INPP4B: variants seen among roughly 807,000 people sequenced by gnomAD.
INPP4B encodes inositol polyphosphate 4-phosphatase type II.
In INPP4B, 55 loss-of-function variants were observed where a neutral mutation model predicts 122.5. The ratio of observed to expected loss-of-function variants is 0.45; its 90% confidence interval spans 0.36 to 0.56. INPP4B has a LOEUF of 0.56. Ranked by LOEUF, INPP4B falls within the 20% of genes least tolerant of loss-of-function variation. The pLI, the probability that INPP4B is intolerant of heterozygous loss-of-function variation, is 0.00. For missense variants in INPP4B, 1,000 were observed against 1,097.7 expected, an observed-to-expected ratio of 0.91 and a Z score of 1.26; for synonymous variants, 403 against 388.7, an observed-to-expected ratio of 1.04 and a Z score of -0.43.
intron 2 of INPP4B, among the ~76,000 whole-genome samples, chr4:142,516,317 C>T (rs1364919): frequency 0.17 from 25,442 of 152,072 alleles, 2,292 homozygotes; most frequent in East Asian, 0.3. Flanking sequence ...TTGTCTTAAA[C>T]AGGAGCAAAC....
chr4:142,260,656 C>T, intron 10 of INPP4B, 92 bp from the exon 11 acceptor site: 2 of 816,906 alleles, frequency 2.4e-6, no homozygotes, highest in Non-Finnish European at 2.0e-6. Flanking sequence ...AGGCTATGTA[C>T]ATGGTTTCAA....
chr4:142,139,106 T>G (rs138845030), intron 18 of INPP4B, among the ~76,000 whole-genome samples: 1 of 152,288 alleles, frequency 6.6e-6, no homozygotes, highest in East Asian at 1.9e-4. Flanking sequence ...TACTAGACTG[T>G]AAGGACAGGG....
intron 11 of INPP4B, among the ~76,000 whole-genome samples, chr4:142,249,583 G>A (rs1399925571): frequency 1.3e-5 from 2 of 152,078 alleles, no homozygotes; most frequent in South Asian, 2.1e-4. Flanking sequence ...TAACCTATGC[G>A]ACATCAACTT....
intron 2 of INPP4B, among the ~76,000 whole-genome samples, chr4:142,492,798 A>G (rs1822048120): frequency 6.6e-6 from 1 of 152,146 alleles, no homozygotes; most frequent in South Asian, 2.1e-4. Flanking sequence ...TTCTGGGGAG[A>G]AATCCAAGCT....
chr4:142,332,536 C>T (rs1774932740), intron 7 of INPP4B, among the ~76,000 whole-genome samples: 1 of 151,752 alleles, frequency 6.6e-6, no homozygotes, highest in Non-Finnish European at 1.5e-5. Context: ...AAAAAAGTTG[C>T]TTAAAAAAGG....
chr4:142,765,187 T>C (rs1771929871), intron 1 of INPP4B, among the ~76,000 whole-genome samples: 1 of 152,120 alleles, frequency 6.6e-6, no homozygotes, highest in Non-Finnish European at 1.5e-5. Context: ...GATAATGGAA[T>C]GGCCCCAAAT....
At chr4:142,411,762 C>T (rs528851862) in intron 5 of INPP4B, among the ~76,000 whole-genome samples, 5 of 152,160 alleles carry the variant, frequency 3.3e-5, no homozygotes, top group African/African-American at 1.2e-4. Context: ...CATGGTGATG[C>T]GCGTTTGTAA....
intron 25 of INPP4B, among the ~76,000 whole-genome samples, chr4:142,041,011 C>A (rs1216705151): frequency 2.6e-5 from 4 of 152,126 alleles, no homozygotes; most frequent in African/African-American, 4.8e-5. Flanking sequence ...AGCAAGAAAC[C>A]TAGCTGAGAA....
chr4:142,173,254 C>A (rs76353485), intron 16 of INPP4B, among the ~76,000 whole-genome samples: 4,305 of 151,852 alleles, frequency 0.028, 188 homozygotes, highest in African/African-American at 0.098. Context: ...CATTCCTATT[C>A]AAATGTAAAG....
intron 7 of INPP4B, among the ~76,000 whole-genome samples, chr4:142,366,930 G>C (rs962278738): frequency 2.0e-5 from 3 of 152,146 alleles, no homozygotes; most frequent in Non-Finnish European, 2.9e-5. Flanking sequence ...ACCATTTATA[G>C]AGCCATAGGA....
intron 2 of INPP4B, among the ~76,000 whole-genome samples, chr4:142,642,404 C>T (rs1382607959): frequency 2.0e-5 from 3 of 151,950 alleles, no homozygotes; most frequent in South Asian, 4.2e-4. Context: ...GTTTTAGGTC[C>T]AACATTTAAG....
At chr4:142,044,846 T>C (rs1364433127) in intron 25 of INPP4B, among the ~76,000 whole-genome samples, 5 of 152,130 alleles carry the variant, frequency 3.3e-5, no homozygotes, top group African/African-American at 9.7e-5. Flanking sequence ...AAAAAGTCCT[T>C]AGTCAGAGTC....
chr4:142,321,014 C>G (rs1579726130), intron 7 of INPP4B, among the ~76,000 whole-genome samples: 2 of 152,302 alleles, frequency 1.3e-5, no homozygotes, highest in East Asian at 3.9e-4. Context: ...AATGGTAGAT[C>G]TACTTTTAGT....
intron 2 of INPP4B, among the ~76,000 whole-genome samples, chr4:142,584,346 A>T (rs1439807593): frequency 2.0e-5 from 3 of 152,160 alleles, no homozygotes; most frequent in Non-Finnish European, 4.4e-5. Flanking sequence ...CATTATTATT[A>T]TCTAAAGTTC....
At chr4:142,186,257 C>T (rs1454141113) in intron 15 of INPP4B, among the ~76,000 whole-genome samples, 1 of 152,122 alleles carries the variant, frequency 6.6e-6, no homozygotes, top group Non-Finnish European at 1.5e-5. Flanking sequence ...AAATGCTTAG[C>T]ATATATAAAC....
intron 21 of INPP4B, among the ~76,000 whole-genome samples, chr4:142,115,892 T>C (rs367689105): frequency 2.6e-5 from 4 of 152,030 alleles, no homozygotes; most frequent in African/African-American, 9.7e-5. Flanking sequence ...TCAAGACCCA[T>C]CAGTGTGCTG....
intron 2 of INPP4B, among the ~76,000 whole-genome samples, chr4:142,483,937 G>A (rs1370249488): frequency 6.6e-6 from 1 of 151,894 alleles, no homozygotes; most frequent in Non-Finnish European, 1.5e-5. Flanking sequence ...GAGAGAAGTT[G>A]GTAAGAGCTA....
At chr4:142,154,203 T>C (rs1192487959) in intron 17 of INPP4B, among the ~76,000 whole-genome samples, 1 of 151,760 alleles carries the variant, frequency 6.6e-6, no homozygotes, top group Non-Finnish European at 1.5e-5. Flanking sequence ...ATGTGTGACT[T>C]AGGGATAAAA....
At chr4:142,036,972 G>A (rs1201553495) in intron 25 of INPP4B, among the ~76,000 whole-genome samples, 1 of 152,172 alleles carries the variant, frequency 6.6e-6, no homozygotes. Flanking sequence ...GATGTTTTAA[G>A]TAATAACATT....
Sources: allele counts gnomAD v4.1 joint callset (sites outside exome capture counted in the v4.1 genomes callset), GRCh38; gene constraint gnomAD v4.1.1; transcripts MANE v1.5; gene names NCBI Gene and HGNC (gene_info 2026-07-23, HGNC 2026-07-21).